Variants in DCC observed in about 807,000 individuals in gnomAD.
The protein encoded by DCC is DCC netrin 1 receptor.
A neutral mutation model predicts 172.5 loss-of-function variants in DCC; 58 were observed. The ratio of observed to expected loss-of-function variants is 0.34; its 90% CI spans 0.27 to 0.42. The LOEUF (loss-of-function observed/expected upper bound fraction) is 0.42. Ranked by LOEUF, DCC falls within the 10% of genes least tolerant of loss-of-function variation. The pLI is 1.00. For synonymous variants in DCC, 709 were observed against 644.5 expected (o/e 1.10, Z -1.52); for missense variants, 1,740 against 1,791.0 (o/e 0.97, Z 0.51).
chr18:52,814,703 A>T, intron 2 of DCC, among the ~76,000 whole-genome samples: 1 of 152,350 alleles, frequency 6.6e-6, no homozygotes, highest in Non-Finnish European at 1.5e-5. Flanking sequence ...TTTAATTAGA[A>T]TTCATAGGCT....
At chr18:52,378,941 T>G (rs1985469141) in intron 1 of DCC, among the ~76,000 whole-genome samples, 1 of 152,150 alleles carries the variant, frequency 6.6e-6, no homozygotes, top group Non-Finnish European at 1.5e-5. Flanking sequence ...AAATAATGAA[T>G]TTTGGTTTCT....
chr18:53,468,798 T>C (rs534331341), intron 25 of DCC, among the ~76,000 whole-genome samples: 1 of 152,282 alleles, frequency 6.6e-6, no homozygotes, highest in Admixed American at 6.5e-5. Flanking sequence ...TTGTTGAAGT[T>C]TTCTGTCATC....
intron 1 of DCC, among the ~76,000 whole-genome samples, chr18:52,414,614 T>C (rs1383153575): frequency 6.6e-6 from 1 of 152,146 alleles, no homozygotes; most frequent in Non-Finnish European, 1.5e-5. Flanking sequence ...TAGACAGCTG[T>C]GGAAAACAAG....
chr18:53,020,689 G>T (rs1228765786), intron 5 of DCC, among the ~76,000 whole-genome samples: 1 of 152,134 alleles, frequency 6.6e-6, no homozygotes, highest in Non-Finnish European at 1.5e-5. Flanking sequence ...TCATATGTTT[G>T]TTTTAAAATA....
intron 1 of DCC, among the ~76,000 whole-genome samples, chr18:52,449,023 TAC>T (rs1432713639): frequency 2.0e-5 from 3 of 152,224 alleles, no homozygotes; most frequent in Admixed American, 1.3e-4. Flanking sequence ...GTAATGGATT[TAC>T]AGTTCCACCT....
chr18:53,489,024 T>C (rs2045932370), intron 26 of DCC, among the ~76,000 whole-genome samples: 2 of 151,150 alleles, frequency 1.3e-5, no homozygotes, highest in Admixed American at 1.3e-4. Flanking sequence ...CTGGGCATGG[T>C]GGCATGCGCC....
chr18:52,434,604 A>G (rs1301408163), intron 1 of DCC, among the ~76,000 whole-genome samples: 1 of 152,056 alleles, frequency 6.6e-6, no homozygotes, highest in Non-Finnish European at 1.5e-5. Context: ...TTATGTGTCA[A>G]TGCTAATAAA....
chr18:52,965,482 AT>A (rs2040914148), intron 5 of DCC, among the ~76,000 whole-genome samples: 1 of 152,168 alleles, frequency 6.6e-6, no homozygotes, highest in Non-Finnish European at 1.5e-5. Context: ...TCTTTAGCTG[AT>A]GCTATTGCCA....
chr18:52,870,496 T>C (rs2039301912), intron 2 of DCC, among the ~76,000 whole-genome samples: 1 of 152,120 alleles, frequency 6.6e-6, no homozygotes, highest in Admixed American at 6.5e-5. Flanking sequence ...GTTAGAAGGG[T>C]GAGAACGGCT....
chr18:53,119,085 A>G (rs779113452), intron 7 of DCC, among the ~76,000 whole-genome samples: 1 of 151,794 alleles, frequency 6.6e-6, no homozygotes, highest in Non-Finnish European at 1.5e-5. Context: ...CATCTTGAGG[A>G]AGGTACTGTG....
chr18:53,045,423 C>T (rs2042224506), intron 5 of DCC, among the ~76,000 whole-genome samples: 2 of 151,680 alleles, frequency 1.3e-5, no homozygotes, highest in South Asian at 2.1e-4. Flanking sequence ...GAGTATTAGT[C>T]ACAGGAGAAG....
chr18:52,484,925 A>T (rs1360035637), intron 1 of DCC, among the ~76,000 whole-genome samples: 1 of 151,960 alleles, frequency 6.6e-6, no homozygotes, highest in Non-Finnish European at 1.5e-5. Flanking sequence ...TGTCTGATTG[A>T]TATTTTTCTG....
At chr18:52,475,074 C>T (rs1219256530) in intron 1 of DCC, among the ~76,000 whole-genome samples, 1 of 152,134 alleles carries the variant, frequency 6.6e-6, no homozygotes, top group East Asian at 1.9e-4. Context: ...CTTCCTACCC[C>T]CACATTGACA....
chr18:52,421,859 G>A (rs181923649), intron 1 of DCC, among the ~76,000 whole-genome samples: 98 of 152,128 alleles, frequency 6.4e-4, no homozygotes, highest in African/African-American at 2.0e-3. Context: ...AGCACTTACC[G>A]GCCCAATGGC....
chr18:53,395,997 G>C (rs1030198507), intron 17 of DCC, among the ~76,000 whole-genome samples: 1 of 152,026 alleles, frequency 6.6e-6, no homozygotes, highest in African/African-American at 2.4e-5. Flanking sequence ...ACTTTAATAG[G>C]CTGGATAGGC....
intron 15 of DCC, among the ~76,000 whole-genome samples, chr18:53,343,638 C>T (rs903048441): frequency 4.0e-5 from 6 of 151,830 alleles, no homozygotes; most frequent in African/African-American, 1.4e-4. Flanking sequence ...TGTCTATATA[C>T]TGTTTCTCTT....
chr18:52,538,147 C>T (rs965656234), intron 1 of DCC, among the ~76,000 whole-genome samples: 1 of 152,128 alleles, frequency 6.6e-6, no homozygotes, highest in African/African-American at 2.4e-5. Flanking sequence ...ACACCTGTAT[C>T]CCAATCTTCC....
intron 27 of DCC, among the ~76,000 whole-genome samples, chr18:53,522,846 T>C (rs537293042): frequency 3.7e-4 from 56 of 152,210 alleles, no homozygotes; most frequent in Middle Eastern, 3.4e-3. Flanking sequence ...ATTCAGGACA[T>C]AGGCATGGGC....
intron 1 of DCC, among the ~76,000 whole-genome samples, chr18:52,544,892 A>T (rs1402939680): frequency 2.0e-5 from 3 of 152,198 alleles, no homozygotes; most frequent in Admixed American, 6.5e-5. Context: ...ATTCTCACCC[A>T]TTAAACCTAA....
Sources: gnomAD v4.1 joint callset for allele counts (sites outside exome capture counted in the v4.1 genomes callset) on GRCh38, gnomAD v4.1.1 for gene constraint, MANE v1.5 for transcripts, NCBI Gene and HGNC (gene_info 2026-07-23, HGNC 2026-07-21) for gene names.